The following CHST11 variants were observed in gnomAD, a reference collection of about 807,000 sequenced individuals.
The protein encoded by CHST11 is C4S-1.
A neutral mutation model predicts 30.4 loss-of-function variants in CHST11; 9 were observed. That is an observed-to-expected ratio of 0.30 (90% confidence interval 0.18 to 0.52). The LOEUF is 0.52. CHST11 is among the 20% of genes least tolerant of loss of function. CHST11 has a pLI of 0.97. For missense variants in CHST11, 348 were observed against 460.6 expected (o/e 0.76, Z 2.24); for synonymous variants, 152 against 187.8 (o/e 0.81, Z 1.56).
intron 2 of CHST11, among the ~76,000 whole-genome samples, chr12:104,665,885 TCTCGGCTCACTGCAAC>T (rs1461384779): frequency 7.2e-6 from 1 of 138,804 alleles, no homozygotes; most frequent in Non-Finnish European, 1.5e-5. Context: ...AGTGGCGCGA[TCTCGGCTCACTGCAAC>T]CTCTGCCTTC....
intron 1 of CHST11, among the ~76,000 whole-genome samples, chr12:104,580,661 C>T (rs1276452334): frequency 6.6e-6 from 1 of 152,182 alleles, no homozygotes; most frequent in Non-Finnish European, 1.5e-5. Flanking sequence ...TTGTAATTTA[C>T]TTCTAGGATA....
chr12:104,665,911 C>G (rs1402519981), intron 2 of CHST11, among the ~76,000 whole-genome samples: 1 of 143,226 alleles, frequency 7.0e-6, no homozygotes, highest in Non-Finnish European at 1.5e-5. Context: ...CCTCTGCCTT[C>G]CAGGTTGAAG....
chr12:104,633,390 G>T (rs1447545709), intron 2 of CHST11, among the ~76,000 whole-genome samples: 1 of 150,144 alleles, frequency 6.7e-6, no homozygotes, highest in Non-Finnish European at 1.5e-5. Context: ...GGAAAGAACT[G>T]CATGTGCTCC....
intron 2 of CHST11, among the ~76,000 whole-genome samples, chr12:104,746,230 A>T (rs975916926): frequency 5.9e-5 from 9 of 152,174 alleles, no homozygotes; most frequent in Non-Finnish European, 1.2e-4. Flanking sequence ...TGCCGAGGCC[A>T]TTCATTTCTA....
At chr12:104,547,193 G>A (rs999037314) in intron 1 of CHST11, among the ~76,000 whole-genome samples, 1 of 152,202 alleles carries the variant, frequency 6.6e-6, no homozygotes, top group Admixed American at 6.5e-5. Context: ...ATCTTCCCGA[G>A]GACTGGATAC....
At chr12:104,720,335 T>G (rs1592857489) in intron 2 of CHST11, among the ~76,000 whole-genome samples, 1 of 152,230 alleles carries the variant, frequency 6.6e-6, no homozygotes, top group East Asian at 1.9e-4. Flanking sequence ...GAAGGCCGAG[T>G]TGCTCCCCAC....
intron 2 of CHST11, among the ~76,000 whole-genome samples, chr12:104,722,929 C>T (rs916774542): frequency 1.2e-4 from 19 of 152,252 alleles, no homozygotes; most frequent in Non-Finnish European, 1.8e-4. Context: ...ACGTGTCCTA[C>T]GGGAAGGCTG....
At chr12:104,640,285 A>C (rs1388307237) in intron 2 of CHST11, among the ~76,000 whole-genome samples, 2 of 152,236 alleles carry the variant, frequency 1.3e-5, no homozygotes, top group Non-Finnish European at 2.9e-5. Flanking sequence ...ACAAATGTTT[A>C]TGGCAGCTTT....
intron 2 of CHST11, among the ~76,000 whole-genome samples, chr12:104,627,987 C>G (rs1285294743): frequency 6.6e-6 from 1 of 152,204 alleles, no homozygotes; most frequent in Non-Finnish European, 1.5e-5. Flanking sequence ...GATGACAATG[C>G]CAAGGCCCAA....
chr12:104,550,865 ACTT>A (rs1304311056), intron 1 of CHST11, among the ~76,000 whole-genome samples: 1 of 152,140 alleles, frequency 6.6e-6, no homozygotes, highest in Non-Finnish European at 1.5e-5. Context: ...CAGGCTTTGA[ACTT>A]CTCACTCAGT....
At chr12:104,540,381 T>A (rs2038275370) in intron 1 of CHST11, among the ~76,000 whole-genome samples, 1 of 152,232 alleles carries the variant, frequency 6.6e-6, no homozygotes, top group East Asian at 1.9e-4. Context: ...AAAGTCATTA[T>A]TTTTAGCTAA....
intron 1 of CHST11, among the ~76,000 whole-genome samples, chr12:104,584,339 C>G (rs1197351721): frequency 2.7e-5 from 4 of 150,842 alleles, no homozygotes; most frequent in African/African-American, 9.7e-5. Context: ...TCACTGCAAC[C>G]TCTGCCTCCC....
intron 1 of CHST11, among the ~76,000 whole-genome samples, chr12:104,556,104 C>T (rs1366361115): frequency 2.0e-5 from 3 of 152,190 alleles, no homozygotes; most frequent in African/African-American, 4.8e-5. Context: ...GACCCCCCTC[C>T]GCTGGAAAGA....
chr12:104,680,901 T>C lies in CHST11; in HGVS notation c.205-76048T>C, dbSNP rs956410880. Among the ~76,000 whole-genome samples, 20 of 152,334 alleles carry C rather than the reference T, an allele frequency of 1.3e-4. No homozygotes were observed. The East Asian group carries it at 1.9e-3, about 15-fold the overall frequency. ...TGTTAGGGGCAGACAGATCTTAGGT[T>C]TGAATCTCAGTCTTGCCACTTAATG... On this transcript the variant is annotated intron_variant, in intron 2 of 2. Transcript: ENST00000303694.
At chr12:104,733,359 G>A (rs1003174622) in intron 2 of CHST11, among the ~76,000 whole-genome samples, 1 of 152,212 alleles carries the variant, frequency 6.6e-6, no homozygotes, top group African/African-American at 2.4e-5. Context: ...GGCCTTTGTG[G>A]GAGGCAGTAA....
chr12:104,495,660 AT>A (rs1001085078), intron 1 of CHST11, among the ~76,000 whole-genome samples: 1 of 152,226 alleles, frequency 6.6e-6, no homozygotes, highest in African/African-American at 2.4e-5. Context: ...TGTTCTAAGC[AT>A]CTTGCATGAC....
intron 1 of CHST11, among the ~76,000 whole-genome samples, chr12:104,486,004 A>T (rs146473563): frequency 2.4e-4 from 36 of 152,072 alleles, no homozygotes; most frequent in African/African-American, 2.4e-5. Flanking sequence ...GTGTGTGGGC[A>T]TGTGTGTGCA....
At chr12:104,737,933 C>T (rs1453029520) in intron 2 of CHST11, among the ~76,000 whole-genome samples, 2 of 152,096 alleles carry the variant, frequency 1.3e-5, no homozygotes, top group Admixed American at 1.3e-4. Flanking sequence ...AAGAGGCCTC[C>T]CTTGGAGGCA....
chr12:104,703,271 C>T (rs1250137974), intron 2 of CHST11, among the ~76,000 whole-genome samples: 2 of 152,190 alleles, frequency 1.3e-5, no homozygotes, highest in African/African-American at 4.8e-5. Context: ...TCTCGGACCC[C>T]AGACTTGTTC....
Sources: gnomAD v4.1 joint callset for allele counts (sites outside exome capture counted in the v4.1 genomes callset) on GRCh38, gnomAD v4.1.1 for gene constraint, MANE v1.5 for transcripts, NCBI Gene and HGNC (gene_info 2026-07-23, HGNC 2026-07-21) for gene names.